ANKS1B: variants seen among roughly 807,000 people sequenced by gnomAD.
ANKS1B encodes the protein ankyrin repeat and sterile alpha motif domain-containing protein 1B.
In ANKS1B, 36 loss-of-function variants were observed where a neutral mutation model predicts 148.3. The ratio of observed to expected loss-of-function variants is 0.24; its 90% CI spans 0.19 to 0.32. The LOEUF (loss-of-function observed/expected upper bound fraction) is 0.32. Ranked by LOEUF, ANKS1B falls within the 10% of genes least tolerant of loss-of-function variation. ANKS1B has a pLI of 1.00. For missense variants in ANKS1B, 1,157 were observed against 1,542.6 expected (o/e 0.75, Z 4.19); for synonymous variants, 542 against 560.8 (o/e 0.97, Z 0.47).
chr12:99,249,932 G>GT (rs1376061010), intron 12 of ANKS1B, among the ~76,000 whole-genome samples: 2 of 152,172 alleles, frequency 1.3e-5, no homozygotes, highest in African/African-American at 4.8e-5. Context: ...CAAAATGTAG[G>GT]TTTTATTATA....
intron 9 of ANKS1B, among the ~76,000 whole-genome samples, chr12:99,611,358 C>T (rs948841577): frequency 8.5e-5 from 13 of 152,058 alleles, no homozygotes; most frequent in African/African-American, 3.1e-4. Context: ...AGGCATTTAA[C>T]CTAATCATCA....
chr12:98,907,728 C>T (rs1294820843), intron 17 of ANKS1B, among the ~76,000 whole-genome samples: 1 of 152,132 alleles, frequency 6.6e-6, no homozygotes, highest in African/African-American at 2.4e-5. Context: ...ATTGTAGCTC[C>T]CATAATTCCC....
chr12:99,760,442 T>C (rs1021737688), intron 8 of ANKS1B, among the ~76,000 whole-genome samples: 1 of 151,852 alleles, frequency 6.6e-6, no homozygotes, highest in African/African-American at 2.4e-5. Context: ...AACTTGCTAC[T>C]GAATGAGTTT....
chr12:99,881,407 A>G (rs1432093932), intron 1 of ANKS1B, among the ~76,000 whole-genome samples: 1 of 152,188 alleles, frequency 6.6e-6, no homozygotes, highest in African/African-American at 2.4e-5. Context: ...CACAAGAGAG[A>G]GGCAAACTCC....
At chr12:99,714,443 A>G (rs902177330) in intron 8 of ANKS1B, among the ~76,000 whole-genome samples, 26 of 152,188 alleles carry the variant, frequency 1.7e-4, no homozygotes, top group Admixed American at 1.4e-3. Flanking sequence ...ACAACCCTGC[A>G]TGGAGCAAGC....
chr12:99,781,159 G>A (rs2064278842), intron 5 of ANKS1B, among the ~76,000 whole-genome samples: 1 of 151,208 alleles, frequency 6.6e-6, no homozygotes, highest in Non-Finnish European at 1.5e-5. Flanking sequence ...ATAGGAATGT[G>A]TAACCAGCAC....
chr12:99,661,676 A>G (rs777942638), intron 8 of ANKS1B, among the ~76,000 whole-genome samples: 1 of 152,160 alleles, frequency 6.6e-6, no homozygotes, highest in Non-Finnish European at 1.5e-5. Flanking sequence ...ACTATTAGTC[A>G]TCTCCCAATA....
intron 9 of ANKS1B, among the ~76,000 whole-genome samples, chr12:99,611,734 GCAGAAT>G (rs2097904299): frequency 6.6e-6 from 1 of 151,996 alleles, no homozygotes; most frequent in Non-Finnish European, 1.5e-5. Flanking sequence ...GGCATTCGAG[GCAGAAT>G]CCTTAATGAG....
chr12:98,910,736 GA>G (rs2099785605), intron 17 of ANKS1B, among the ~76,000 whole-genome samples: 1 of 152,146 alleles, frequency 6.6e-6, no homozygotes, highest in Non-Finnish European at 1.5e-5. Context: ...AACAATCAAT[GA>G]AGCCAACACC....
At chr12:99,017,794 T>C (rs746934349) in intron 17 of ANKS1B, among the ~76,000 whole-genome samples, 1 of 152,194 alleles carries the variant, frequency 6.6e-6, no homozygotes, top group African/African-American at 2.4e-5. Context: ...TCTCAGAGGA[T>C]TGATCTGGTC....
At chr12:99,718,200 G>A (rs865975254) in intron 8 of ANKS1B, among the ~76,000 whole-genome samples, 80 of 152,012 alleles carry the variant, frequency 5.3e-4, no homozygotes, top group African/African-American at 1.8e-3. Context: ...GCGCCCAGCC[G>A]ACAATACTCT....
chr12:99,467,445 T>G (rs541170624), intron 10 of ANKS1B, among the ~76,000 whole-genome samples: 3 of 152,104 alleles, frequency 2.0e-5, no homozygotes, highest in African/African-American at 7.2e-5. Flanking sequence ...CCAGGGCAAT[T>G]AGGCAGGAGA....
At chr12:98,935,505 T>G (rs568020496) in intron 17 of ANKS1B, among the ~76,000 whole-genome samples, 1 of 152,332 alleles carries the variant, frequency 6.6e-6, no homozygotes, top group Non-Finnish European at 1.5e-5. Flanking sequence ...AATTTGGAAG[T>G]ATTCTTCCCT....
At chr12:99,531,660 C>A (rs2096992593) in intron 9 of ANKS1B, among the ~76,000 whole-genome samples, 1 of 152,118 alleles carries the variant, frequency 6.6e-6, no homozygotes, top group South Asian at 2.1e-4. Flanking sequence ...AATTGTGTTG[C>A]AATTAACATA....
At chr12:99,190,746 A>G (rs993931510) in intron 14 of ANKS1B, among the ~76,000 whole-genome samples, 23 of 152,232 alleles carry the variant, frequency 1.5e-4, no homozygotes, top group Non-Finnish European at 3.2e-4. Flanking sequence ...AAACCCTAGA[A>G]GAAAACCTAG....
At chr12:99,679,609 C>G (rs532020440) in intron 8 of ANKS1B, among the ~76,000 whole-genome samples, 4 of 151,958 alleles carry the variant, frequency 2.6e-5, no homozygotes, top group Non-Finnish European at 5.9e-5. Context: ...CATGACTGTC[C>G]GAACTCTAAC....
intron 6 of ANKS1B, among the ~76,000 whole-genome samples, chr12:99,779,615 G>A (rs1366120276): frequency 6.6e-6 from 1 of 151,806 alleles, no homozygotes; most frequent in East Asian, 1.9e-4. Flanking sequence ...ACATAAATAT[G>A]AATTTTAAAA....
intron 8 of ANKS1B, among the ~76,000 whole-genome samples, chr12:99,673,066 T>C (rs367675339): frequency 8.9e-4 from 136 of 152,078 alleles, no homozygotes; most frequent in African/African-American, 3.1e-3. Flanking sequence ...GAAAACATGG[T>C]GTATCAAAGA....
intron 17 of ANKS1B, among the ~76,000 whole-genome samples, chr12:98,837,939 A>C (rs1346464786): frequency 6.6e-6 from 1 of 152,188 alleles, no homozygotes; most frequent in Non-Finnish European, 1.5e-5. Context: ...ATACAGAAAA[A>C]CAAGTAAGAG....
Sources: allele counts gnomAD v4.1 joint callset (sites outside exome capture counted in the v4.1 genomes callset), GRCh38; gene constraint gnomAD v4.1.1; transcripts MANE v1.5; gene names NCBI Gene and HGNC (gene_info 2026-07-23, HGNC 2026-07-21).